Variants in RASGRF1 observed in about 807,000 individuals in gnomAD.
The protein encoded by RASGRF1 is ras-specific guanine nucleotide-releasing factor 1.
A neutral mutation model predicts 138.7 loss-of-function variants in RASGRF1; 40 were observed. The ratio of observed to expected loss-of-function variants is 0.29; its 90% CI spans 0.22 to 0.38. The LOEUF (loss-of-function observed/expected upper bound fraction) is 0.38. Among genes scored for constraint, RASGRF1 ranks in the 10% least tolerant of loss-of-function variants. RASGRF1 has a pLI of 1.00. For synonymous variants in RASGRF1, 614 were observed against 663.2 expected (o/e 0.93, Z 1.14); for missense variants, 1,108 against 1,650.4 (o/e 0.67, Z 5.69).
intron 4 of RASGRF1, 89 bp downstream of exon 4, chr15:79,049,407 G>T: frequency 1.6e-6 from 2 of 1,235,220 alleles, no homozygotes; most frequent in Non-Finnish European, 1.2e-6. Context: ...TCTGAGGACA[G>T]TGGGGCTGTG....
At chr15:79,036,212 G>A (rs531878118) in intron 5 of RASGRF1, among the ~76,000 whole-genome samples, 13 of 152,176 alleles carry the variant, frequency 8.5e-5, no homozygotes, top group Non-Finnish European at 7.3e-5. Context: ...AGCTCCTACC[G>A]CCTTGGAGAC....
rs750437814 is a variant in RASGRF1 at position 79,027,897 on chromosome 15, GC to G, written c.1263-39del. 16 of 1,601,624 alleles carry G rather than the reference GC, an allele frequency of 1.0e-5. No homozygotes were observed. The African/African-American group carries it at 2.1e-4, about 21-fold the overall frequency. ...GAAACTGCACAGTCAGAGACAGGCT[GC>G]CCCTACTTCCCAGGGAGGCGAGAAT... is the stretch of plus-strand genomic sequence containing the variant. On this transcript the variant is annotated intron_variant, in intron 8 of 26. Transcript: ENST00000558480. This position sits in a 1 kb window ranked among gnomAD's most constrained non-coding sequence, Gnocchi z 4.8.
chr15:78,982,113 C>T (rs1362740346), intron 23 of RASGRF1, among the ~76,000 whole-genome samples: 5 of 152,170 alleles, frequency 3.3e-5, no homozygotes, highest in African/African-American at 9.7e-5. Flanking sequence ...CCTTTATGGG[C>T]CTCAGTGTCC....
chr15:78,980,467 A>G, intron 24 of RASGRF1, 153 bp downstream of exon 24: 1 of 549,378 alleles, frequency 1.8e-6, no homozygotes, highest in East Asian at 2.9e-5. Flanking sequence ...GGACTCCACC[A>G]TTGGGGTCCA....
In RASGRF1 at chr15:79,006,043, GGT is replaced by G; in HGVS notation, c.2075+141_2075+142del. ...GTTCCTGGGGAGAGGGGGCAGTGGC[GGT>G]GTGTGTCCCGCAGCACCCCAACACG... On this transcript the variant is annotated intron_variant, in intron 14 of 26. Coordinates refer to ENST00000558480, the MANE Select transcript of RASGRF1 (RefSeq NM_001145648.3). The surrounding 1 kb of genome is among the most constrained non-coding windows in gnomAD (Gnocchi z 4.0). 1 of 1,218,866 alleles carries G rather than the reference GGT, an allele frequency of 8.2e-7. No homozygotes were observed. The highest frequency in any genetic ancestry group is 1.1e-6 in the Non-Finnish European group (1 of 879,196). 75.5% of individuals were successfully genotyped at this position (1,218,866 alleles called of 1,614,324 possible).
chr15:78,967,806 T>G (rs990514904), intron 26 of RASGRF1, among the ~76,000 whole-genome samples: 1 of 152,196 alleles, frequency 6.6e-6, no homozygotes, highest in East Asian at 1.9e-4. Context: ...GCTGAACCAT[T>G]TGAAGGTAAA....
intron 2 of RASGRF1, among the ~76,000 whole-genome samples, chr15:79,060,297 C>T (rs2057586117): frequency 1.3e-5 from 2 of 152,194 alleles, no homozygotes; most frequent in Admixed American, 1.3e-4. Context: ...GTGGGCTGAC[C>T]CAGACCCCAG....
chr15:79,071,302 C>T (rs2057751560), intron 1 of RASGRF1, among the ~76,000 whole-genome samples: 1 of 152,148 alleles, frequency 6.6e-6, no homozygotes, highest in East Asian at 1.9e-4. Flanking sequence ...TTCCTTTCCT[C>T]TCTGTTCTTT....
intron 4 of RASGRF1, among the ~76,000 whole-genome samples, chr15:79,048,809 A>C (rs2057389587): frequency 6.6e-6 from 1 of 152,140 alleles, no homozygotes; most frequent in Non-Finnish European, 1.5e-5. Context: ...CCTTTCATGC[A>C]CTCAACAAAT....
chr15:79,049,852 C>T (rs1456828367), intron 3 of RASGRF1, among the ~76,000 whole-genome samples: 1 of 152,136 alleles, frequency 6.6e-6, no homozygotes, highest in Non-Finnish European at 1.5e-5. Context: ...ACCAGAGTGA[C>T]CTTGGACGAA....
chr15:79,005,881 G>A (rs956594116), intron 14 of RASGRF1, among the ~76,000 whole-genome samples: 7 of 152,008 alleles, frequency 4.6e-5, no homozygotes, highest in Non-Finnish European at 1.0e-4. Context: ...GGGACCCTGT[G>A]CTTCCAGGAG....
chr15:79,003,819 G>A lies in RASGRF1; in HGVS notation c.2432C>T (p.Ser811Leu), dbSNP rs1385356044. 1 of 1,604,702 alleles carries A rather than the reference G, an allele frequency of 6.2e-7. No individual in the cohort carries two copies. The highest frequency in any genetic ancestry group is 1.3e-5 in the African/African-American group (1 of 74,698). Reference protein sequence around the residue: ...DTTPEKPEDPSALSKQSSEVS... With the variant: ...DTTPEKPEDPLALSKQSSEVS... ...CCACTCACTCTGCTTGCTGAGCGCT[G>A]AAGGGTCTTCGGGCTTCTCAGGGGT... The change falls in exon 15 of 27, where the codon TCA becomes TTA. Residue 811 changes from serine (S) to leucine (L), a missense_variant. This residue lies in a region of RASGRF1 where 686 missense variants were observed against 976.7 expected (regional missense o/e 0.70). Transcript: ENST00000558480.
At chr15:79,035,004 AG>A in intron 6 of RASGRF1, 126 bp downstream of exon 6, 1 of 672,226 alleles carries the variant, frequency 1.5e-6, no homozygotes, top group South Asian at 2.4e-5. Context: ...GCCCCCTCTG[AG>A]GGATTCTGTG....
At chr15:79,025,219 C>T in intron 10 of RASGRF1, 95 bp downstream of exon 10, 2 of 1,389,338 alleles carry the variant, frequency 1.4e-6, no homozygotes, top group Non-Finnish European at 1.9e-6. Context: ...TCTGACACCC[C>T]TGCCCACCAC....
intron 16 of RASGRF1, among the ~76,000 whole-genome samples, 186 bp from the exon 17 acceptor site, chr15:79,000,099 G>A (rs979187281): frequency 7.2e-5 from 11 of 152,110 alleles, no homozygotes; most frequent in African/African-American, 4.8e-5. Flanking sequence ...GCTCTGGGGA[G>A]AGTCACACCA....
At chr15:79,054,128 G>GATGGCCA (rs1181600955) in intron 3 of RASGRF1, among the ~76,000 whole-genome samples, 4 of 152,368 alleles carry the variant, frequency 2.6e-5, no homozygotes, top group Non-Finnish European at 5.9e-5. Flanking sequence ...GTGTTGTGCA[G>GATGGCCA]ATGGCCAATG....
intron 5 of RASGRF1, among the ~76,000 whole-genome samples, chr15:79,038,033 G>A (rs778618321): frequency 1.3e-5 from 2 of 152,184 alleles, no homozygotes; most frequent in Non-Finnish European, 2.9e-5. Flanking sequence ...GTGGTAATGT[G>A]AGCAATGGGG....
intron 1 of RASGRF1, among the ~76,000 whole-genome samples, chr15:79,078,154 C>CATGTGTCTGTGTGT (rs2057864993): frequency 1.7e-5 from 1 of 60,262 alleles, no homozygotes; most frequent in Non-Finnish European, 5.6e-5. Context: ...TGTGTGTGTG[C>CATGTGTCTGTGTGT]ATGCATGTGC....
At chr15:78,992,991 A>G (rs901989008) in intron 20 of RASGRF1, among the ~76,000 whole-genome samples, 4 of 148,026 alleles carry the variant, frequency 2.7e-5, no homozygotes, top group Non-Finnish European at 6.1e-5. Context: ...ACCGTGGAGA[A>G]AAACAGCCTC....
Sources: gnomAD v4.1 joint callset for allele counts (sites outside exome capture counted in the v4.1 genomes callset) on GRCh38, gnomAD v4.1.1 for gene constraint, gnomAD v4.1.1 regional missense constraint, Gnocchi (gnomAD v3.1) non-coding constraint, MANE v1.5 for transcripts, NCBI Gene and HGNC (gene_info 2026-07-23, HGNC 2026-07-21) for gene names.